The following OSCP1 variants were observed in gnomAD, a reference collection of about 807,000 sequenced individuals.
The protein encoded by OSCP1 is protein OSCP1.
A neutral mutation model predicts 45.1 loss-of-function variants in OSCP1; 35 were observed. That is an observed-to-expected ratio of 0.78 (90% CI 0.59 to 1.03). The LOEUF (loss-of-function observed/expected upper bound fraction) is 1.03. Ranked by LOEUF, OSCP1 falls within the 50% of genes least tolerant of loss-of-function variation. OSCP1 has a pLI of 0.00. For synonymous variants in OSCP1, 179 were observed against 180.1 expected, an observed-to-expected ratio of 0.99 and a Z score of 0.05; for missense variants, 400 against 470.7, an observed-to-expected ratio of 0.85 and a Z score of 1.39.
rs889551095 is a variant in OSCP1, at chr1:36,428,854, A to G, written c.516+2948T>C. Among the ~76,000 whole-genome samples the G allele has an allele frequency of 4.6e-5, 7 of 152,248 alleles. No homozygotes were observed. The South Asian group carries it at 1.5e-3, about 32-fold the overall frequency. On this transcript the variant is annotated intron_variant, in intron 4 of 9. Coordinates refer to ENST00000235532, the MANE Select transcript of OSCP1 (RefSeq NM_145047.5). ...CAGCTGTTTGGGAGGCTGAGGCAGG[A>G]GAATTGCTTGAACCCGGGAGGTGGA...
rs1345808732 is a variant in OSCP1 at position 36,422,735 on chromosome 1, G to A, written c.749+33C>T. On this transcript the variant is annotated intron_variant, in intron 6 of 9. Transcript: ENST00000235532. ...TTTTTAAATGAAGTGACCTCCCTTG[G>A]ACTTGAATTCACTCAGAGAAGAATT... The A allele has an allele frequency of 3.3e-6, 5 of 1,515,240 alleles. No homozygotes were observed. In the Admixed American group the frequency reaches 8.1e-5, roughly 25 times the overall value. The allele number at this position is 1,515,240 out of a possible 1,614,324, so 93.9% of individuals were successfully genotyped here.
intron 4 of OSCP1, among the ~76,000 whole-genome samples, chr1:36,430,886 C>T (rs1397974121): frequency 6.6e-6 from 1 of 152,178 alleles, no homozygotes; most frequent in African/African-American, 2.4e-5. Flanking sequence ...AACTCCTGAC[C>T]TCAGGTGATC....
At chr1:36,418,296 T>G in intron 9 of OSCP1, 41 bp from the exon 10 acceptor site, 1 of 1,593,150 alleles carries the variant, frequency 6.3e-7, no homozygotes, top group Non-Finnish European at 8.6e-7. Context: ...GAAGAGGCTG[T>G]GCTGGCAGGC....
intron 2 of OSCP1, among the ~76,000 whole-genome samples, chr1:36,436,478 C>T (rs559465036): frequency 3.3e-5 from 5 of 152,040 alleles, no homozygotes; most frequent in South Asian, 2.1e-4. Flanking sequence ...TGGGCTCAAG[C>T]GATCCTCCTG....
intron 1 of OSCP1, chr1:36,440,773 A>T (rs181947431): frequency 2.0e-5 from 3 of 152,238 alleles, no homozygotes; most frequent in Admixed American, 1.3e-4. Context: ...AAAGCCACAC[A>T]TAAGTCCTCA....
At chr1:36,441,724 C>A (rs149483937) in intron 1 of OSCP1, among the ~76,000 whole-genome samples, 2,461 of 123,028 alleles carry the variant, frequency 0.02, 64 homozygotes, top group African/African-American at 0.075. Context: ...GAACTCCAGC[C>A]TGGGTAACAG....
At chr1:36,439,076 G>C in intron 1 of OSCP1, 166 bp from the exon 2 acceptor site, 1 of 597,648 alleles carries the variant, frequency 1.7e-6, no homozygotes, top group South Asian at 3.4e-5. Context: ...TGTCCCGGTA[G>C]AAAGCAGGGC....
intron 7 of OSCP1, 82 bp from the exon 8 acceptor site, chr1:36,420,697 T>G: frequency 8.7e-5 from 132 of 1,517,508 alleles, no homozygotes; most frequent in Non-Finnish European, 1.1e-4. Flanking sequence ...AGGTAGGTAT[T>G]ATAAAATAAG....
intron 4 of OSCP1, 30 bp downstream of exon 4, chr1:36,431,772 G>T: frequency 6.2e-7 from 1 of 1,607,110 alleles, no homozygotes; most frequent in South Asian, 1.1e-5. Flanking sequence ...AGCAGCTCCT[G>T]AGTGTTCCCA....
At chr1:36,419,272 T>G (rs1647470327) in intron 8 of OSCP1, 2 of 545,196 alleles carry the variant, frequency 3.7e-6, no homozygotes, top group African/African-American at 3.8e-5. Context: ...CTGCCAAGAA[T>G]GTTTCTTCCC....
intron 4 of OSCP1, among the ~76,000 whole-genome samples, chr1:36,430,845 G>A (rs1648317306): frequency 6.6e-6 from 1 of 152,056 alleles, no homozygotes; most frequent in Admixed American, 6.5e-5. Flanking sequence ...AGTAGAGATG[G>A]GGTTTTACCA....
chr1:36,427,523 T>C (rs991905736), intron 4 of OSCP1, among the ~76,000 whole-genome samples: 2 of 151,688 alleles, frequency 1.3e-5, no homozygotes, highest in Non-Finnish European at 2.9e-5. Flanking sequence ...TTCACCATGT[T>C]GGCCAGGATG....
At chr1:36,427,847 T>C (rs774511281) in intron 4 of OSCP1, among the ~76,000 whole-genome samples, 5 of 152,214 alleles carry the variant, frequency 3.3e-5, no homozygotes, top group African/African-American at 4.8e-5. Flanking sequence ...TTAATTTATA[T>C]TGATGTTATT....
Position 36,424,058 on chromosome 1 carries a change from G to A in OSCP1, c.517-592C>T, listed in dbSNP as rs143129662. Among the ~76,000 whole-genome samples the A allele has an allele frequency of 7.2e-4, 109 of 151,964 alleles. 2 individuals carry two copies. The East Asian group carries it at 0.016, about 22-fold the overall frequency. On this transcript the variant is annotated intron_variant, in intron 4 of 9. Coordinates refer to ENST00000235532, the MANE Select transcript of OSCP1 (RefSeq NM_145047.5). Reference sequence around the variant, plus strand: ...CCCCGCCAGCTCACGCGATTCTCCCGTCATAGCCCCCAAGTAGCTGGGACC... The same window carrying A: ...CCCCGCCAGCTCACGCGATTCTCCCATCATAGCCCCCAAGTAGCTGGGACC...
intron 2 of OSCP1, among the ~76,000 whole-genome samples, chr1:36,434,339 G>A (rs764753759): frequency 3.9e-5 from 6 of 152,218 alleles, no homozygotes; most frequent in Non-Finnish European, 8.8e-5. Flanking sequence ...GCTGGTAAGT[G>A]CAGAATGATA....
chr1:36,419,108 G>T, intron 8 of OSCP1, 54 bp from the exon 9 acceptor site: 1 of 1,489,886 alleles, frequency 6.7e-7, no homozygotes. Context: ...TTCCCTGCCA[G>T]CATGGCAAAC....
intron 7 of OSCP1, 92 bp from the exon 8 acceptor site, chr1:36,420,707 G>A: frequency 6.8e-7 from 1 of 1,466,710 alleles, no homozygotes. Context: ...TATAAAATAA[G>A]GTAGAACAAT....
intron 4 of OSCP1, among the ~76,000 whole-genome samples, chr1:36,427,299 C>CTTTTTTTTTTTTTTTTTTTTTTTTTTTTT (rs71053929): frequency 2.1e-5 from 2 of 96,304 alleles, no homozygotes; most frequent in African/African-American, 9.6e-5. Context: ...GGCGCCTGGC[C>CTTTTTTTTTTTTTTTTTTTTTTTTTTTTT]TTTTTTTTTT....
chr1:36,427,995 C>G (rs2124783017), intron 4 of OSCP1, among the ~76,000 whole-genome samples: 1 of 151,970 alleles, frequency 6.6e-6, no homozygotes, highest in East Asian at 1.9e-4. Flanking sequence ...CAAGACCAGT[C>G]TGGCCAACGT....
Sources: allele counts gnomAD v4.1 joint callset (sites outside exome capture counted in the v4.1 genomes callset), GRCh38; gene constraint gnomAD v4.1.1; transcripts MANE v1.5; gene names NCBI Gene and HGNC (gene_info 2026-07-23, HGNC 2026-07-21).